ANO10: variants seen among roughly 807,000 people sequenced by gnomAD.
ANO10 encodes the protein anoctamin-10.
A neutral mutation model predicts 74.7 loss-of-function variants in ANO10; 77 were observed. The observed-to-expected ratio is 1.03, with a 90% CI of 0.86 to 1.25. The LOEUF (loss-of-function observed/expected upper bound fraction) is 1.25. ANO10 is among the 50% of genes most tolerant of loss of function. The pLI is 0.00. For missense variants in ANO10, 721 were observed against 778.1 expected, an observed-to-expected ratio of 0.93 and a Z score of 0.87; for synonymous variants, 279 against 284.9, an observed-to-expected ratio of 0.98 and a Z score of 0.21.
At chr3:43,675,888 A>G (rs557927461) in intron 1 of ANO10, among the ~76,000 whole-genome samples, 50 of 152,230 alleles carry the variant, frequency 3.3e-4, no homozygotes, top group Non-Finnish European at 4.4e-4. Context: ...ACATGCAACT[A>G]TTATATGACC....
At position 43,574,808 on chromosome 3, in the gene ANO10, C is replaced by G. The variant is rs375479262; in HGVS notation, c.1218+1G>C. 3.1e-6 allele frequency: 5 copies of G among 1,612,916 alleles called. No homozygotes were observed. The African/African-American group carries it at 5.3e-5, about 17-fold the overall frequency. On this transcript the variant is annotated splice_donor_variant, in intron 7 of 12. Transcript: ENST00000292246. LOFTEE classifies it high-confidence loss of function. ...GATTTGTACATAAACGCTGTACTTACCACTAAAACTTTCAGAATTAGATGG... is the reference window on the plus strand; with the variant it reads ...GATTTGTACATAAACGCTGTACTTAGCACTAAAACTTTCAGAATTAGATGG...
At chr3:43,660,851 C>T (rs1183822105) in intron 1 of ANO10, among the ~76,000 whole-genome samples, 10 of 152,172 alleles carry the variant, frequency 6.6e-5, no homozygotes, top group East Asian at 3.9e-4. Flanking sequence ...CTACTCAGGA[C>T]GCCAAGGCAG....
intron 12 of ANO10, chr3:43,372,755 C>T (rs1323759747): frequency 8.2e-7 from 1 of 1,224,656 alleles, no homozygotes; most frequent in Admixed American, 2.0e-5. Context: ...GAGAGCAGGG[C>T]CATGACTAGA....
At chr3:43,509,724 T>C (rs867986423) in intron 11 of ANO10, among the ~76,000 whole-genome samples, 9 of 152,212 alleles carry the variant, frequency 5.9e-5, no homozygotes, top group African/African-American at 4.8e-5. Flanking sequence ...GAAAAACTTA[T>C]GTTAATACAA....
At chr3:43,426,206 A>G (rs546640893) in intron 12 of ANO10, among the ~76,000 whole-genome samples, 16 of 152,288 alleles carry the variant, frequency 1.1e-4, no homozygotes, top group African/African-American at 3.8e-4. Flanking sequence ...TGCATAATGA[A>G]ACCAAACTGT....
At chr3:43,398,910 C>T (rs932247340) in intron 12 of ANO10, among the ~76,000 whole-genome samples, 5 of 152,202 alleles carry the variant, frequency 3.3e-5, no homozygotes, top group Non-Finnish European at 5.9e-5. Context: ...CTCACTGCAA[C>T]CTCTGCCTTC....
At chr3:43,566,378 G>C (rs1271294918) in intron 7 of ANO10, among the ~76,000 whole-genome samples, 1 of 152,202 alleles carries the variant, frequency 6.6e-6, no homozygotes, top group African/African-American at 2.4e-5. Context: ...CCACCTCTGG[G>C]GGCAGGGCAC....
intron 12 of ANO10, among the ~76,000 whole-genome samples, chr3:43,407,126 A>T (rs766611541): frequency 7.2e-5 from 11 of 151,800 alleles, no homozygotes; most frequent in Admixed American, 3.3e-4. Flanking sequence ...CTGGTCTGGA[A>T]CTCTTGACCT....
At chr3:43,691,073 C>T (rs765331652) in intron 1 of ANO10, 1 of 1,515,442 alleles carries the variant, frequency 6.6e-7, no homozygotes, top group Non-Finnish European at 8.9e-7. Flanking sequence ...TCGTGTGTCT[C>T]CGGCGCGCAC....
intron 1 of ANO10, among the ~76,000 whole-genome samples, chr3:43,679,716 C>T (rs372381085): frequency 2.5e-4 from 38 of 152,264 alleles, no homozygotes; most frequent in African/African-American, 3.8e-4. Flanking sequence ...TCACTTCACA[C>T]GGCCGGGTAC....
Position 43,396,990 on chromosome 3 carries a change from C to G in ANO10, c.1915-30016G>C, listed in dbSNP as rs1038280891. Among the ~76,000 whole-genome samples the G allele has an allele frequency of 6.6e-5, 10 of 151,140 alleles. No homozygotes were observed. In the East Asian group the frequency reaches 7.8e-4, roughly 12 times the overall value. ...TGTTGCCCATGCTGGAGTGCAAAGG[C>G]GTGATCTTGGCTCACTGCAACCTCT... On this transcript the variant is annotated intron_variant, in intron 12 of 12. Transcript: ENST00000292246.
intron 1 of ANO10, among the ~76,000 whole-genome samples, chr3:43,628,923 A>G (rs1321428657): frequency 2.0e-5 from 3 of 152,198 alleles, no homozygotes; most frequent in Non-Finnish European, 4.4e-5. Context: ...ATTTCGCCCC[A>G]GTCCTGTGGT....
intron 1 of ANO10, among the ~76,000 whole-genome samples, chr3:43,650,665 A>T (rs2083777295): frequency 6.6e-6 from 1 of 152,212 alleles, no homozygotes; most frequent in South Asian, 2.1e-4. Flanking sequence ...TACAAGAATT[A>T]AAGTACTGAA....
chr3:43,541,657 C>T (rs1352987205), intron 11 of ANO10, among the ~76,000 whole-genome samples: 2 of 152,066 alleles, frequency 1.3e-5, no homozygotes, highest in East Asian at 1.9e-4. Context: ...AATTAATAAA[C>T]GTTTAACAAG....
intron 11 of ANO10, among the ~76,000 whole-genome samples, chr3:43,454,990 T>C (rs894416558): frequency 6.6e-6 from 1 of 151,934 alleles, no homozygotes; most frequent in African/African-American, 2.4e-5. Flanking sequence ...GCTGGAGACA[T>C]GTGAGAGAAT....
intron 1 of ANO10, among the ~76,000 whole-genome samples, chr3:43,656,838 G>A (rs1228154746): frequency 6.6e-6 from 1 of 152,248 alleles, no homozygotes; most frequent in Non-Finnish European, 1.5e-5. Context: ...CTAAGGGAGT[G>A]GGCTCCGGCC....
At chr3:43,458,825 C>T (rs997765673) in intron 11 of ANO10, among the ~76,000 whole-genome samples, 1 of 152,174 alleles carries the variant, frequency 6.6e-6, no homozygotes, top group African/African-American at 2.4e-5. Flanking sequence ...TACCCCTGGA[C>T]AGGCCCGGGT....
intron 1 of ANO10, among the ~76,000 whole-genome samples, chr3:43,661,153 G>A (rs190600641): frequency 3.3e-5 from 5 of 152,284 alleles, no homozygotes; most frequent in African/African-American, 4.8e-5. Flanking sequence ...AACAGTCAGA[G>A]AGAAAGATTG....
At chr3:43,421,944 A>C (rs191059519) in intron 12 of ANO10, among the ~76,000 whole-genome samples, 25 of 152,354 alleles carry the variant, frequency 1.6e-4, no homozygotes, top group African/African-American at 5.3e-4. Flanking sequence ...ATTTCCTAAA[A>C]TATTTAATAA....
Sources: allele counts gnomAD v4.1 joint callset (sites outside exome capture counted in the v4.1 genomes callset), GRCh38; gene constraint gnomAD v4.1.1; transcripts MANE v1.5; gene names NCBI Gene and HGNC (gene_info 2026-07-23, HGNC 2026-07-21).